Variants in RASGRF2 observed in about 807,000 individuals in gnomAD.
RASGRF2 encodes ras-specific guanine nucleotide-releasing factor 2.
A neutral mutation model predicts 151.0 loss-of-function variants in RASGRF2; 76 were observed. The ratio of observed to expected loss-of-function variants is 0.50; its 90% CI spans 0.42 to 0.61. RASGRF2 has a LOEUF of 0.61. Among genes scored for constraint, RASGRF2 ranks in the 20% least tolerant of loss-of-function variants. The pLI, the probability that RASGRF2 is intolerant of heterozygous loss-of-function variation, is 0.00. For missense variants in RASGRF2, 1,148 were observed against 1,564.6 expected, an observed-to-expected ratio of 0.73 and a Z score of 4.49; for synonymous variants, 504 against 566.5, an observed-to-expected ratio of 0.89 and a Z score of 1.57.
chr5:81,054,397 T>G (rs1381099517), intron 2 of RASGRF2, among the ~76,000 whole-genome samples: 4 of 145,126 alleles, frequency 2.8e-5, no homozygotes, highest in Non-Finnish European at 4.5e-5. Flanking sequence ...TTTCCCCATT[T>G]CTTGTTTTTG....
intron 17 of RASGRF2, among the ~76,000 whole-genome samples, chr5:81,132,365 T>C: frequency 6.6e-6 from 1 of 152,160 alleles, no homozygotes; most frequent in East Asian, 1.9e-4. Context: ...GTTTTTAAAT[T>C]GTTTGTTGTT....
intron 18 of RASGRF2, among the ~76,000 whole-genome samples, chr5:81,200,030 G>C (rs1207647318): frequency 1.3e-5 from 2 of 151,260 alleles, no homozygotes; most frequent in African/African-American, 4.8e-5. Context: ...CAGCACTTCG[G>C]GAGGCTGAGA....
At chr5:81,078,875 T>C (rs1439280944) in intron 5 of RASGRF2, among the ~76,000 whole-genome samples, 1 of 152,196 alleles carries the variant, frequency 6.6e-6, no homozygotes, top group Non-Finnish European at 1.5e-5. Context: ...GGAGCAGCCC[T>C]TAAACTGTTG....
At chr5:81,203,644 G>A (rs972768283) in intron 19 of RASGRF2, among the ~76,000 whole-genome samples, 11 of 152,218 alleles carry the variant, frequency 7.2e-5, no homozygotes, top group Admixed American at 6.5e-4. Context: ...TTTGCAGGAT[G>A]TCACAAGGCT....
chr5:81,152,691 A>G (rs1754165206), intron 17 of RASGRF2, among the ~76,000 whole-genome samples: 2 of 152,216 alleles, frequency 1.3e-5, no homozygotes, highest in African/African-American at 4.8e-5. Context: ...AAATTATCAA[A>G]ACCAACCATT....
At chr5:81,135,018 C>T (rs1753719402) in intron 17 of RASGRF2, among the ~76,000 whole-genome samples, 1 of 151,792 alleles carries the variant, frequency 6.6e-6, no homozygotes, top group African/African-American at 2.4e-5. Context: ...TTAAAGCCTA[C>T]AGTTCAAGCT....
intron 17 of RASGRF2, among the ~76,000 whole-genome samples, chr5:81,159,401 A>G (rs1253954572): frequency 6.6e-6 from 1 of 152,268 alleles, no homozygotes; most frequent in Non-Finnish European, 1.5e-5. Flanking sequence ...CTTATTTACA[A>G]AAACAGGCAG....
intron 5 of RASGRF2, among the ~76,000 whole-genome samples, chr5:81,075,513 C>T (rs1751912536): frequency 1.3e-5 from 2 of 152,156 alleles, no homozygotes; most frequent in Admixed American, 1.3e-4. Context: ...TCGGAGGCCC[C>T]TTCCTTGTTG....
At chr5:81,051,366 A>C (rs189802324) in intron 2 of RASGRF2, among the ~76,000 whole-genome samples, 1 of 152,312 alleles carries the variant, frequency 6.6e-6, no homozygotes, top group Admixed American at 6.5e-5. Context: ...TTATCATTTT[A>C]AAGTGTATAA....
chr5:81,042,221 C>T (rs573342100), intron 1 of RASGRF2, among the ~76,000 whole-genome samples: 13 of 152,316 alleles, frequency 8.5e-5, no homozygotes, highest in African/African-American at 3.1e-4. Context: ...CAATAACTTA[C>T]ATTACACCTC....
chr5:80,992,355 T>C (rs521135), intron 1 of RASGRF2, among the ~76,000 whole-genome samples: 103,497 of 151,966 alleles, frequency 0.68, 36,672 homozygotes, highest in South Asian at 0.82. Flanking sequence ...GGGGCATCAG[T>C]GGCCTTCACA....
chr5:81,222,037 C>T (rs1755867523), intron 26 of RASGRF2, among the ~76,000 whole-genome samples: 1 of 152,144 alleles, frequency 6.6e-6, no homozygotes, highest in South Asian at 2.1e-4. Context: ...TTATATTTTG[C>T]CCCCGTCCTA....
chr5:81,225,033 A>G (rs1755943769), intron 26 of RASGRF2, among the ~76,000 whole-genome samples: 1 of 152,228 alleles, frequency 6.6e-6, no homozygotes, highest in Non-Finnish European at 1.5e-5. Flanking sequence ...AACTAAAGAA[A>G]TATTTTCATG....
chr5:81,007,154 T>C (rs531938748), intron 1 of RASGRF2, among the ~76,000 whole-genome samples: 18 of 152,340 alleles, frequency 1.2e-4, no homozygotes, highest in African/African-American at 4.1e-4. Context: ...TTCCTTTTGT[T>C]AGATGTGGCT....
At chr5:81,093,732 C>G (rs1752457920) in intron 10 of RASGRF2, among the ~76,000 whole-genome samples, 1 of 152,080 alleles carries the variant, frequency 6.6e-6, no homozygotes, top group Non-Finnish European at 1.5e-5. Context: ...TGTGCCTGGC[C>G]TGTTAATAAA....
chr5:81,215,480 A>G (rs1561264133), intron 23 of RASGRF2, among the ~76,000 whole-genome samples: 1 of 152,106 alleles, frequency 6.6e-6, no homozygotes, highest in Non-Finnish European at 1.5e-5. Context: ...CATGTTAGCC[A>G]GGATGGTCTC....
intron 15 of RASGRF2, among the ~76,000 whole-genome samples, chr5:81,122,710 G>C (rs940955047): frequency 3.3e-5 from 5 of 152,140 alleles, no homozygotes; most frequent in Non-Finnish European, 7.4e-5. Flanking sequence ...AAGAATGGAA[G>C]AATCGTTGGA....
At chr5:81,220,017 C>T (rs912792711) in intron 26 of RASGRF2, among the ~76,000 whole-genome samples, 1 of 151,850 alleles carries the variant, frequency 6.6e-6, no homozygotes, top group African/African-American at 2.4e-5. Context: ...TTTGTCTTCA[C>T]TGCCAGAACC....
chr5:81,220,266 A>G (rs1755830686), intron 26 of RASGRF2, among the ~76,000 whole-genome samples: 1 of 152,142 alleles, frequency 6.6e-6, no homozygotes, highest in Non-Finnish European at 1.5e-5. Context: ...CTTAAGGTTC[A>G]GTTCACATCA....
Sources: gnomAD v4.1 joint callset for allele counts (sites outside exome capture counted in the v4.1 genomes callset) on GRCh38, gnomAD v4.1.1 for gene constraint, MANE v1.5 for transcripts, NCBI Gene and HGNC (gene_info 2026-07-23, HGNC 2026-07-21) for gene names.